Variants in ERBB4 observed in about 807,000 individuals in gnomAD.
ERBB4 encodes erb-b2 receptor tyrosine kinase 4, also known as receptor tyrosine-protein kinase erbB-4.
In ERBB4, 42 loss-of-function variants were observed where a neutral mutation model predicts 158.0. The observed-to-expected ratio is 0.27, with a 90% confidence interval of 0.21 to 0.34. The LOEUF (loss-of-function observed/expected upper bound fraction) is 0.34, where lower values mean the gene tolerates loss of function less well. ERBB4 is among the 10% of genes least tolerant of loss of function. ERBB4 has a pLI of 1.00. For missense variants in ERBB4, 1,333 were observed against 1,624.1 expected (o/e 0.82, Z 3.08); for synonymous variants, 583 against 558.7 (o/e 1.04, Z -0.61).
intron 2 of ERBB4, among the ~76,000 whole-genome samples, chr2:212,003,205 G>GAAAGAAAGAAAGAAAGAA: frequency 2.2e-5 from 1 of 44,852 alleles, no homozygotes; most frequent in African/African-American, 5.4e-5. Context: ...AAGAAAGAAA[G>GAAAGAAAGAAAGAAAGAA]ACAGAAAGAA....
chr2:211,546,568 T>C (rs969164523), intron 20 of ERBB4, among the ~76,000 whole-genome samples: 10 of 152,102 alleles, frequency 6.6e-5, no homozygotes, highest in Admixed American at 2.0e-4. Context: ...ACCAGAGTGA[T>C]CTGCTAAGCC....
intron 20 of ERBB4, among the ~76,000 whole-genome samples, chr2:211,436,202 A>G (rs2063849548): frequency 6.6e-6 from 1 of 152,226 alleles, no homozygotes; most frequent in African/African-American, 2.4e-5. Context: ...GAATTTCAGG[A>G]CATAATGCAA....
At chr2:211,649,214 C>T (rs575170919) in intron 16 of ERBB4, among the ~76,000 whole-genome samples, 16 of 151,792 alleles carry the variant, frequency 1.1e-4, no homozygotes, top group African/African-American at 2.2e-4. Flanking sequence ...AGACATTGAG[C>T]GATTTTTTTG....
chr2:212,060,363 GAC>G (rs1467572217), intron 2 of ERBB4, among the ~76,000 whole-genome samples: 1 of 151,602 alleles, frequency 6.6e-6, no homozygotes, highest in Non-Finnish European at 1.5e-5. Flanking sequence ...CTGTTGGTGG[GAC>G]TGTAAACTAG....
intron 9 of ERBB4, among the ~76,000 whole-genome samples, chr2:211,708,612 TTCTC>T (rs60948715): frequency 0.011 from 1,286 of 116,618 alleles, 16 homozygotes; most frequent in African/African-American, 0.025. Context: ...GTTTCCATCC[TTCTC>T]TCTCTCTCTC....
At chr2:211,584,226 T>C (rs1385496292) in intron 19 of ERBB4, among the ~76,000 whole-genome samples, 2 of 151,886 alleles carry the variant, frequency 1.3e-5, no homozygotes, top group African/African-American at 2.4e-5. Context: ...TAGGTTTCAG[T>C]TGAACTAGAA....
At chr2:211,477,457 G>A (rs1350516112) in intron 20 of ERBB4, among the ~76,000 whole-genome samples, 1 of 152,002 alleles carries the variant, frequency 6.6e-6, no homozygotes. Flanking sequence ...AGGAAAAAGA[G>A]GCAAAAATAA....
intron 3 of ERBB4, among the ~76,000 whole-genome samples, chr2:211,912,196 G>A (rs2079557148): frequency 6.6e-6 from 1 of 152,090 alleles, no homozygotes; most frequent in Admixed American, 6.5e-5. Flanking sequence ...AAGAGAAAAA[G>A]GGAGTAAAGG....
At chr2:212,349,936 G>T (rs1046444765) in intron 1 of ERBB4, among the ~76,000 whole-genome samples, 11 of 151,928 alleles carry the variant, frequency 7.2e-5, no homozygotes, top group Non-Finnish European at 1.5e-4. Context: ...CTCATCACAG[G>T]CTTCCTGAAG....
chr2:211,942,836 A>G (rs774747681), intron 3 of ERBB4, among the ~76,000 whole-genome samples: 4 of 152,162 alleles, frequency 2.6e-5, no homozygotes, highest in Non-Finnish European at 2.9e-5. Context: ...AGATATTCTC[A>G]TAATTTATAA....
At chr2:212,360,686 C>G (rs2089653169) in intron 1 of ERBB4, among the ~76,000 whole-genome samples, 1 of 151,552 alleles carries the variant, frequency 6.6e-6, no homozygotes, top group African/African-American at 2.4e-5. Flanking sequence ...CCCTTTCTAC[C>G]ACAGAAAGCA....
chr2:212,195,788 TG>T (rs1418165723), intron 1 of ERBB4, among the ~76,000 whole-genome samples: 1 of 152,150 alleles, frequency 6.6e-6, no homozygotes, highest in African/African-American at 2.4e-5. Flanking sequence ...GTTTATGTTG[TG>T]AGTTACCAAG....
At chr2:211,808,069 T>C (rs575522974) in intron 3 of ERBB4, among the ~76,000 whole-genome samples, 1 of 152,360 alleles carries the variant, frequency 6.6e-6, no homozygotes, top group African/African-American at 2.4e-5. Context: ...TTTCCCATTC[T>C]GTAGGTTGCC....
intron 1 of ERBB4, among the ~76,000 whole-genome samples, chr2:212,411,106 A>G (rs2091485158): frequency 6.6e-6 from 1 of 152,172 alleles, no homozygotes; most frequent in South Asian, 2.1e-4. Context: ...ACACAGCTCA[A>G]GTTGAAGTAA....
intron 1 of ERBB4, among the ~76,000 whole-genome samples, chr2:212,306,672 A>G (rs991885144): frequency 1.3e-5 from 2 of 150,956 alleles, no homozygotes; most frequent in African/African-American, 4.8e-5. Flanking sequence ...AAAGCAGCCC[A>G]GTTTCTGAAT....
chr2:212,537,132 A>G (rs1027242018), intron 1 of ERBB4, among the ~76,000 whole-genome samples: 2 of 99,524 alleles, frequency 2.0e-5, no homozygotes, highest in African/African-American at 1.1e-4. Context: ...TAGGCAAAGG[A>G]GGCGGCGGCG....
chr2:211,631,208 CAG>C (rs370073350), intron 16 of ERBB4, among the ~76,000 whole-genome samples: 28 of 152,092 alleles, frequency 1.8e-4, no homozygotes, highest in African/African-American at 6.8e-4. Flanking sequence ...ACATCACCCC[CAG>C]TTAGGAAGCA....
chr2:211,443,381 A>T (rs896444458), intron 20 of ERBB4, among the ~76,000 whole-genome samples: 1 of 152,018 alleles, frequency 6.6e-6, no homozygotes, highest in Non-Finnish European at 1.5e-5. Flanking sequence ...TGCTTGCTGA[A>T]TATTTTTAAT....
chr2:211,644,824 G>A (rs978506944), intron 16 of ERBB4, among the ~76,000 whole-genome samples: 5 of 151,940 alleles, frequency 3.3e-5, no homozygotes, highest in African/African-American at 9.7e-5. Context: ...GCTAAATGAA[G>A]TATATCTATA....
Sources: gnomAD v4.1 joint callset for allele counts (sites outside exome capture counted in the v4.1 genomes callset) on GRCh38, gnomAD v4.1.1 for gene constraint, MANE v1.5 for transcripts, NCBI Gene and HGNC (gene_info 2026-07-23, HGNC 2026-07-21) for gene names.